MYLK: variants seen among roughly 807,000 people sequenced by gnomAD.
The protein encoded by MYLK is myosin light chain kinase.
MYLK carries 106 observed loss-of-function variants against 203.4 expected under a neutral mutation model. The ratio of observed to expected loss-of-function variants is 0.52; its 90% CI spans 0.45 to 0.61. The LOEUF is 0.61. Among genes scored for constraint, MYLK ranks in the 20% least tolerant of loss-of-function variants. The pLI, the probability that MYLK is intolerant of heterozygous loss-of-function variation, is 0.00. For synonymous variants in MYLK, 867 were observed against 959.5 expected (o/e 0.90, Z 1.78); for missense variants, 2,072 against 2,442.3 (o/e 0.85, Z 3.20).
intron 3 of MYLK, among the ~76,000 whole-genome samples, chr3:123,826,114 C>G (rs762539612): frequency 2.0e-5 from 3 of 152,172 alleles, no homozygotes; most frequent in South Asian, 2.1e-4. Flanking sequence ...GGCAGGTATG[C>G]CCTTATGCCA....
At chr3:123,622,586 G>A (rs985689553) in intron 31 of MYLK, 1 of 152,090 alleles carries the variant, frequency 6.6e-6, no homozygotes, top group Non-Finnish European at 1.5e-5. Flanking sequence ...ATCAGAATGA[G>A]GAAACAAAAG....
At chr3:123,650,088 C>T (rs752444061) in intron 24 of MYLK, among the ~76,000 whole-genome samples, 10 of 152,194 alleles carry the variant, frequency 6.6e-5, no homozygotes, top group Non-Finnish European at 1.3e-4. Flanking sequence ...ACAGCACGCC[C>T]ACTTCAGAGC....
At chr3:123,865,713 A>G (rs1034052644) in intron 2 of MYLK, among the ~76,000 whole-genome samples, 1 of 152,218 alleles carries the variant, frequency 6.6e-6, no homozygotes, top group Non-Finnish European at 1.5e-5. Flanking sequence ...GAGACCGGTG[A>G]GAAAGTGGTA....
rs1060502538 is a variant in MYLK, at chr3:123,701,461, G to C, written c.2439C>G (p.Asn813Lys). ...ACCGTGGAAGGGCTCTGGCAGAGCT[G>C]TTCTGTAGCATCAGTGACACCTGGC... ...CSCQVSLMLQ[N>K]SSARALPRGR... Residue 813 changes from asparagine (N) to lysine (K), a missense_variant, in exon 17 of 34, where the codon AAC (asparagine) becomes AAG (lysine). Transcript: ENST00000360304. The C allele has an allele frequency of 7.4e-6, 12 of 1,613,980 alleles. No individual in the cohort carries two copies. Among genetic ancestry groups the C allele is most frequent in the Non-Finnish European group, 1.0e-5 (12 of 1,180,030 alleles).
chr3:123,733,214 G>A (rs2062549694), intron 10 of MYLK, 112 bp from the exon 11 acceptor site: 1 of 1,191,854 alleles, frequency 8.4e-7, no homozygotes, highest in African/African-American at 1.5e-5. Context: ...TTGGTGTGGA[G>A]CTGCCCTCCC....
intron 28 of MYLK, chr3:123,639,093 A>G (rs998786194): frequency 2.0e-6 from 2 of 982,630 alleles, no homozygotes; most frequent in Admixed American, 1.2e-4. Flanking sequence ...TGGAAGCTGG[A>G]CATTGTGTTC....
intron 31 of MYLK, chr3:123,625,140 TCTC>T (rs1406534664): frequency 6.6e-6 from 1 of 152,314 alleles, no homozygotes; most frequent in African/African-American, 2.4e-5. Flanking sequence ...GCAGTCCTCT[TCTC>T]TGTATTCTGA....
chr3:123,708,932 A>G (rs2061570743), intron 14 of MYLK, 37 bp from the exon 15 acceptor site: 3 of 1,591,822 alleles, frequency 1.9e-6, no homozygotes, highest in South Asian at 1.1e-5. Flanking sequence ...TTGGTTAGGG[A>G]GGTCCTCCCC....
Position 123,657,300 on chromosome 3 carries a change from C to T in MYLK, c.4114G>A (p.Asp1372Asn). Residue 1372 changes from aspartate to asparagine, a missense_variant, in exon 24 of 34, where the codon GAC (aspartate) becomes AAC (asparagine). This residue lies in a region of MYLK where 524 missense variants were observed against 782.4 expected (regional missense o/e 0.67). Transcript: ENST00000360304. ...TCCTTCCACGTCTTGTTGGCTGAGT[C>T]CCAGATCTCGATGCTGTAGGACTGT... Reference protein sequence around the residue: ...AVQSYSIEIWDSANKTWKELA... With the variant: ...AVQSYSIEIWNSANKTWKELA... The T allele has an allele frequency of 6.2e-7, 1 of 1,614,104 alleles. No homozygotes were observed. The highest frequency in any genetic ancestry group is 8.5e-7 in the Non-Finnish European group (1 of 1,180,024).
At chr3:123,773,129 A>G (rs1261478507) in intron 4 of MYLK, among the ~76,000 whole-genome samples, 1 of 152,190 alleles carries the variant, frequency 6.6e-6, no homozygotes, top group Non-Finnish European at 1.5e-5. Flanking sequence ...TGAAATAATA[A>G]GACCAAAATA....
intron 4 of MYLK, among the ~76,000 whole-genome samples, chr3:123,782,479 T>C (rs913291855): frequency 1.3e-5 from 2 of 152,260 alleles, no homozygotes; most frequent in African/African-American, 4.8e-5. Context: ...GTCTTACTTA[T>C]TAACTTTACT....
chr3:123,835,338 A>G (rs1310138593), intron 2 of MYLK, among the ~76,000 whole-genome samples: 1 of 152,208 alleles, frequency 6.6e-6, no homozygotes, highest in African/African-American at 2.4e-5. Context: ...GAGAGATTTT[A>G]GAAATCCTGC....
chr3:123,710,923 G>A (rs1397693672), intron 13 of MYLK, among the ~76,000 whole-genome samples: 1 of 152,118 alleles, frequency 6.6e-6, no homozygotes, highest in African/African-American at 2.4e-5. Context: ...TACCGCAACA[G>A]GGATGAATCT....
intron 8 of MYLK, among the ~76,000 whole-genome samples, chr3:123,736,862 G>A (rs1160029476): frequency 1.3e-5 from 2 of 152,150 alleles, no homozygotes; most frequent in Non-Finnish European, 2.9e-5. Flanking sequence ...ACAAGGGAAG[G>A]TGGCAGCCAA....
intron 2 of MYLK, among the ~76,000 whole-genome samples, chr3:123,866,076 C>T (rs926631993): frequency 6.6e-6 from 1 of 152,194 alleles, no homozygotes; most frequent in Non-Finnish European, 1.5e-5. Context: ...ATCCAAGCCC[C>T]TAGCTGTTTG....
At chr3:123,745,839 T>C (rs1319799174) in intron 5 of MYLK, among the ~76,000 whole-genome samples, 3 of 152,092 alleles carry the variant, frequency 2.0e-5, no homozygotes, top group Non-Finnish European at 4.4e-5. Context: ...TACTTATTTA[T>C]AATTTATTTA....
rs1012576678 is a variant in MYLK at position 123,620,592 on chromosome 3, C to T, written c.5239-256G>A. The T allele has an allele frequency of 6.3e-6, 8 of 1,274,248 alleles. No individual in the cohort carries two copies. In the African/African-American group the frequency reaches 9.0e-5, roughly 14 times the overall value. The allele number at this position is 1,274,248 out of a possible 1,614,324, so 78.9% of individuals were successfully genotyped here. A position where few individuals can be genotyped will look rare whatever the true frequency, so the allele number is the denominator to read the frequency against. The stretch of plus-strand genomic sequence containing the variant: ...GTGCGTTAATGTGACTAAACAAGGT[C>T]AACATGAGACAAAAACCCTTTTCAT... On this transcript the variant is annotated intron_variant, in intron 31 of 33. Transcript: ENST00000360304.
chr3:123,777,825 T>A (rs1020879231), intron 4 of MYLK, among the ~76,000 whole-genome samples: 8 of 152,322 alleles, frequency 5.3e-5, no homozygotes, highest in African/African-American at 1.7e-4. Flanking sequence ...CACAGGGACA[T>A]GTGTATATAC....
chr3:123,710,534 A>G (rs1010055806), intron 13 of MYLK, among the ~76,000 whole-genome samples: 1 of 152,212 alleles, frequency 6.6e-6, no homozygotes, highest in Non-Finnish European at 1.5e-5. Flanking sequence ...AGCCAAAGAC[A>G]CTACACTCAT....
Sources: allele counts gnomAD v4.1 joint callset (sites outside exome capture counted in the v4.1 genomes callset), GRCh38; gene constraint gnomAD v4.1.1; regional missense constraint gnomAD v4.1.1; transcripts MANE v1.5; gene names NCBI Gene and HGNC (gene_info 2026-07-23, HGNC 2026-07-21).